Variants in CNBD1 observed in about 807,000 individuals in gnomAD.
CNBD1 encodes cyclic nucleotide-binding domain-containing protein 1.
Under a neutral mutation model 54.4 loss-of-function variants are expected in CNBD1, and 71 were observed. The ratio of observed to expected loss-of-function variants is 1.30; its 90% CI spans 1.08 to 1.59. CNBD1 has a LOEUF of 1.59. Ranked by LOEUF, CNBD1 falls within the 40% of genes most tolerant of loss-of-function variation. CNBD1 has a pLI of 0.00. For missense variants in CNBD1, 659 were observed against 518.0 expected, an observed-to-expected ratio of 1.27 and a Z score of -2.64; for synonymous variants, 182 against 170.7, an observed-to-expected ratio of 1.07 and a Z score of -0.51.
chr8:86,943,365 C>CAAAAAAAAAAAAAAAAAAAAAAAAAA (rs1158061860), intron 4 of CNBD1, among the ~76,000 whole-genome samples: 1 of 32,578 alleles, frequency 3.1e-5, no homozygotes, highest in Non-Finnish European at 6.0e-5. Context: ...GACTCCATCT[C>CAAAAAAAAAAAAAAAAAAAAAAAAAA]AAAAAAAAAA....
At chr8:87,268,189 G>T (rs1808299448) in intron 6 of CNBD1, among the ~76,000 whole-genome samples, 1 of 151,976 alleles carries the variant, frequency 6.6e-6, no homozygotes, top group South Asian at 2.1e-4. Context: ...CCACTTATGA[G>T]GAAGAACATA....
At chr8:87,099,376 T>G (rs1189364995) in intron 4 of CNBD1, among the ~76,000 whole-genome samples, 1 of 152,116 alleles carries the variant, frequency 6.6e-6, no homozygotes, top group East Asian at 1.9e-4. Flanking sequence ...GAACATTTTT[T>G]GGCGGGTAAA....
chr8:87,407,259 C>T (rs905520358), intron 2 of CNBD1, among the ~76,000 whole-genome samples: 1 of 152,004 alleles, frequency 6.6e-6, no homozygotes, highest in Non-Finnish European at 1.5e-5. Context: ...ATATAAGAAA[C>T]ACAGTATATC....
chr8:87,147,975 C>G (rs533118069), intron 4 of CNBD1, among the ~76,000 whole-genome samples: 76 of 151,732 alleles, frequency 5.0e-4, no homozygotes, highest in African/African-American at 1.7e-3. Flanking sequence ...GAAAAGGGTC[C>G]GTTTAAAATT....
intron 4 of CNBD1, among the ~76,000 whole-genome samples, chr8:86,980,200 G>A (rs1197895222): frequency 6.6e-6 from 1 of 152,188 alleles, no homozygotes; most frequent in African/African-American, 2.4e-5. Flanking sequence ...TGGTGCTTCA[G>A]TGACTAATAT....
intron 2 of CNBD1, among the ~76,000 whole-genome samples, chr8:87,422,931 G>C (rs1264977668): frequency 6.6e-6 from 1 of 151,888 alleles, no homozygotes; most frequent in Admixed American, 6.6e-5. Context: ...CCGTTTGTTT[G>C]TATCCTCTTT....
intron 10 of CNBD1, among the ~76,000 whole-genome samples, chr8:87,367,512 G>T (rs1257880323): frequency 6.6e-6 from 1 of 152,004 alleles, no homozygotes; most frequent in African/African-American, 2.4e-5. Context: ...TGAAGGACTT[G>T]CTTTCTGCTT....
intron 10 of CNBD1, among the ~76,000 whole-genome samples, chr8:87,378,953 T>C (rs1811012534): frequency 6.7e-6 from 1 of 149,380 alleles, no homozygotes; most frequent in Admixed American, 6.7e-5. Flanking sequence ...TGGCTCTCTG[T>C]TTGTCTGTTG....
At chr8:87,101,455 A>ATG (rs1364756456) in intron 4 of CNBD1, among the ~76,000 whole-genome samples, 2 of 151,930 alleles carry the variant, frequency 1.3e-5, no homozygotes, top group Non-Finnish European at 2.9e-5. Context: ...ATATATATAT[A>ATG]TGTCTAATAA....
chr8:87,034,217 A>G (rs144088464), intron 4 of CNBD1, among the ~76,000 whole-genome samples: 1 of 152,342 alleles, frequency 6.6e-6, no homozygotes, highest in African/African-American at 2.4e-5. Context: ...TTTAATTGTA[A>G]TAATTTGACT....
intron 4 of CNBD1, among the ~76,000 whole-genome samples, chr8:87,072,335 A>T (rs749506185): frequency 6.6e-6 from 1 of 152,158 alleles, no homozygotes; most frequent in Non-Finnish European, 1.5e-5. Flanking sequence ...TGTGAATTTG[A>T]TCCTGTCATC....
chr8:87,402,640 G>C (rs188491097), intron 2 of CNBD1, among the ~76,000 whole-genome samples: 110 of 152,100 alleles, frequency 7.2e-4, no homozygotes, highest in Non-Finnish European at 2.1e-4. Context: ...ATTGTATCAT[G>C]GTGCATGAAA....
chr8:87,343,131 AAATAT>A (rs767207800), intron 8 of CNBD1, among the ~76,000 whole-genome samples: 3 of 152,208 alleles, frequency 2.0e-5, no homozygotes, highest in Non-Finnish European at 4.4e-5. Flanking sequence ...GCAAGAAGAA[AAATAT>A]GGCTGTATTC....
intron 4 of CNBD1, among the ~76,000 whole-genome samples, chr8:86,983,211 G>A (rs1808526966): frequency 6.6e-6 from 1 of 152,092 alleles, no homozygotes; most frequent in African/African-American, 2.4e-5. Flanking sequence ...AAGATCTGAT[G>A]GTTTTAAAAA....
At chr8:87,284,646 T>C (rs903423361) in intron 6 of CNBD1, 32 bp from the exon 7 acceptor site, 6 of 1,572,338 alleles carry the variant, frequency 3.8e-6, no homozygotes, top group South Asian at 2.3e-5. Context: ...TGAGTGGTAA[T>C]AAACATTAAA....
At chr8:87,340,221 G>T (rs1314681958) in intron 8 of CNBD1, among the ~76,000 whole-genome samples, 1 of 152,178 alleles carries the variant, frequency 6.6e-6, no homozygotes, top group Admixed American at 6.5e-5. Context: ...GACCTTCAAT[G>T]TTTCTGCTGA....
At chr8:87,091,985 G>A (rs1002871007) in intron 4 of CNBD1, among the ~76,000 whole-genome samples, 1 of 152,060 alleles carries the variant, frequency 6.6e-6, no homozygotes, top group Admixed American at 6.6e-5. Flanking sequence ...ATACTATATT[G>A]TTATTATGCG....
At chr8:87,360,637 T>G (rs747193714) in intron 10 of CNBD1, among the ~76,000 whole-genome samples, 1 of 151,940 alleles carries the variant, frequency 6.6e-6, no homozygotes, top group Non-Finnish European at 1.5e-5. Flanking sequence ...TTAGAACAAG[T>G]GTACTACTTT....
At chr8:87,265,588 G>C (rs189918367) in intron 6 of CNBD1, among the ~76,000 whole-genome samples, 2 of 152,176 alleles carry the variant, frequency 1.3e-5, no homozygotes, top group East Asian at 3.9e-4. Context: ...ATTATCTGGG[G>C]ACTTGATCAA....
Sources: allele counts gnomAD v4.1 joint callset (sites outside exome capture counted in the v4.1 genomes callset), GRCh38; gene constraint gnomAD v4.1.1; transcripts MANE v1.5; gene names NCBI Gene and HGNC (gene_info 2026-07-23, HGNC 2026-07-21).